The following RANBP17 variants were observed in gnomAD, a reference collection of about 807,000 sequenced individuals.
RANBP17 encodes RAN binding protein 17.
Under a neutral mutation model 141.2 loss-of-function variants are expected in RANBP17, and 158 were observed. That is an observed-to-expected ratio of 1.12 (90% CI 0.98 to 1.28). The LOEUF (loss-of-function observed/expected upper bound fraction) is 1.28. Among genes scored for constraint, RANBP17 ranks in the 50% most tolerant of loss-of-function variants. The pLI is 0.00. For synonymous variants in RANBP17, 430 were observed against 450.0 expected (o/e 0.96, Z 0.56); for missense variants, 1,438 against 1,290.7 (o/e 1.11, Z -1.75).
chr5:171,120,993 T>C (rs796370677), intron 14 of RANBP17, among the ~76,000 whole-genome samples: 5 of 152,364 alleles, frequency 3.3e-5, no homozygotes, highest in South Asian at 2.1e-4. Flanking sequence ...GTAGCTTCTT[T>C]AGCTGTAATC....
At chr5:171,241,340 A>G (rs1255503577) in intron 23 of RANBP17, among the ~76,000 whole-genome samples, 198 bp downstream of exon 23, 1 of 150,976 alleles carries the variant, frequency 6.6e-6, no homozygotes, top group Non-Finnish European at 1.5e-5. Flanking sequence ...CTGATTATAT[A>G]GAAACCAATA....
chr5:171,086,638 A>G (rs924420513), intron 14 of RANBP17, among the ~76,000 whole-genome samples: 2 of 149,664 alleles, frequency 1.3e-5, no homozygotes, highest in Admixed American at 6.7e-5. Context: ...CCACAATTTC[A>G]GCTCCTGTTA....
At chr5:171,090,627 C>T (rs1415110510) in intron 14 of RANBP17, among the ~76,000 whole-genome samples, 2 of 151,124 alleles carry the variant, frequency 1.3e-5, no homozygotes, top group Non-Finnish European at 2.9e-5. Context: ...GCAGCAGCTG[C>T]TCTCATCAAG....
At chr5:170,900,869 G>A (rs1392487256) in intron 5 of RANBP17, among the ~76,000 whole-genome samples, 1 of 152,166 alleles carries the variant, frequency 6.6e-6, no homozygotes. Flanking sequence ...TTGCACTGTG[G>A]TCTGAGAGAC....
intron 24 of RANBP17, among the ~76,000 whole-genome samples, chr5:171,247,465 G>C (rs1333986795): frequency 1.3e-5 from 2 of 152,156 alleles, no homozygotes; most frequent in Non-Finnish European, 2.9e-5. Context: ...CTACAGGCAG[G>C]TTTAATTTCT....
intron 9 of RANBP17, among the ~76,000 whole-genome samples, chr5:170,917,241 A>G (rs1319951338): frequency 6.6e-6 from 1 of 152,198 alleles, no homozygotes; most frequent in Non-Finnish European, 1.5e-5. Context: ...GACATAATAT[A>G]AATCTGAATG....
chr5:171,143,874 A>G (rs1007878696), intron 14 of RANBP17, among the ~76,000 whole-genome samples: 3 of 152,204 alleles, frequency 2.0e-5, no homozygotes, highest in Non-Finnish European at 4.4e-5. Flanking sequence ...TTCTCAGCTG[A>G]GGGAACAGTA....
chr5:171,294,022 G>A (rs770903665), intron 26 of RANBP17, 41 bp downstream of exon 26: 7 of 1,414,988 alleles, frequency 4.9e-6, no homozygotes, highest in Admixed American at 1.7e-5. Context: ...TGGTCCCTGG[G>A]AGAAGAGAGC....
chr5:171,178,713 C>G (rs1218419393), intron 16 of RANBP17, among the ~76,000 whole-genome samples: 1 of 152,186 alleles, frequency 6.6e-6, no homozygotes, highest in Non-Finnish European at 1.5e-5. Flanking sequence ...GATCACCATT[C>G]TAACTGGCAT....
At chr5:171,074,508 G>A (rs1250197120) in intron 14 of RANBP17, among the ~76,000 whole-genome samples, 3 of 152,126 alleles carry the variant, frequency 2.0e-5, no homozygotes, top group Non-Finnish European at 4.4e-5. Flanking sequence ...ATTTAATTTT[G>A]ACAAATGTAC....
chr5:171,290,337 C>T (rs1356753231), intron 25 of RANBP17, among the ~76,000 whole-genome samples: 1 of 149,312 alleles, frequency 6.7e-6, no homozygotes, highest in Non-Finnish European at 1.5e-5. Context: ...TATTGCACTC[C>T]AGCCTGGGCA....
At chr5:170,924,677 A>G in intron 12 of RANBP17, 127 bp downstream of exon 12, 1 of 566,808 alleles carries the variant, frequency 1.8e-6, no homozygotes, top group Non-Finnish European at 2.9e-6. Context: ...CTAATAAACC[A>G]TTAATTTTAT....
chr5:171,143,643 T>C (rs1018022850), intron 14 of RANBP17, among the ~76,000 whole-genome samples: 7 of 152,158 alleles, frequency 4.6e-5, no homozygotes, highest in Non-Finnish European at 8.8e-5. Flanking sequence ...TCGGTAAACA[T>C]CTATTGAATA....
At chr5:171,017,453 G>C (rs948909853) in intron 14 of RANBP17, among the ~76,000 whole-genome samples, 3 of 152,154 alleles carry the variant, frequency 2.0e-5, no homozygotes, top group African/African-American at 7.2e-5. Flanking sequence ...ATTCTGGCTG[G>C]TGTGTTATGG....
intron 14 of RANBP17, among the ~76,000 whole-genome samples, chr5:170,989,294 C>G (rs1397080236): frequency 2.0e-5 from 3 of 151,732 alleles, no homozygotes; most frequent in African/African-American, 7.3e-5. Flanking sequence ...TAATCCATCC[C>G]ACATCTTTGC....
chr5:170,896,027 A>T (rs1478737334), intron 4 of RANBP17, 23 bp from the exon 5 acceptor site: 1 of 1,531,020 alleles, frequency 6.5e-7, no homozygotes, highest in Admixed American at 1.9e-5. Context: ...CACTTAGGCT[A>T]AACTTTGTTA....
intron 11 of RANBP17, among the ~76,000 whole-genome samples, chr5:170,922,127 G>C (rs1296277604): frequency 6.6e-6 from 1 of 152,028 alleles, no homozygotes; most frequent in Non-Finnish European, 1.5e-5. Flanking sequence ...GTCCACTCCA[G>C]ACCCTGTTTG....
At chr5:170,946,701 A>G (rs1774792508) in intron 12 of RANBP17, among the ~76,000 whole-genome samples, 1 of 152,120 alleles carries the variant, frequency 6.6e-6, no homozygotes, top group South Asian at 2.1e-4. Flanking sequence ...CACTGAACTC[A>G]TAGCCAGCAG....
intron 14 of RANBP17, among the ~76,000 whole-genome samples, chr5:171,043,176 T>C (rs1267008534): frequency 6.6e-6 from 1 of 152,216 alleles, no homozygotes; most frequent in East Asian, 1.9e-4. Context: ...ATATGTAAAA[T>C]GAAGTATTCT....
Sources: allele counts gnomAD v4.1 joint callset (sites outside exome capture counted in the v4.1 genomes callset), GRCh38; gene constraint gnomAD v4.1.1; transcripts MANE v1.5; gene names NCBI Gene and HGNC (gene_info 2026-07-23, HGNC 2026-07-21).